TMIGD3: variants seen among roughly 807,000 people sequenced by gnomAD.
The protein encoded by TMIGD3 is transmembrane and immunoglobulin domain containing 3, also known as AD026 protein (AD026).
Under a neutral mutation model 28.1 loss-of-function variants are expected in TMIGD3, and 21 were observed. That is an observed-to-expected ratio of 0.75 (90% CI 0.53 to 1.08). TMIGD3 has a LOEUF of 1.08. Ranked by LOEUF, TMIGD3 falls within the 50% of genes least tolerant of loss-of-function variation. The pLI, the probability that TMIGD3 is intolerant of heterozygous loss-of-function variation, is 0.00. For synonymous variants in TMIGD3, 151 were observed against 162.1 expected, an observed-to-expected ratio of 0.93 and a Z score of 0.52; for missense variants, 416 against 435.6, an observed-to-expected ratio of 0.96 and a Z score of 0.40.
intron 5 of TMIGD3, 67 bp downstream of exon 5, chr1:111,485,673 C>A (rs1654329629): frequency 6.3e-6 from 8 of 1,273,684 alleles, no homozygotes; most frequent in Non-Finnish European, 8.9e-6. Context: ...CATTTGAAAT[C>A]TGCTCCTTGA....
chr1:111,528,265 C>A (rs1021186606), intron 1 of TMIGD3, among the ~76,000 whole-genome samples: 18 of 152,156 alleles, frequency 1.2e-4, no homozygotes, highest in African/African-American at 4.1e-4. Flanking sequence ...AAAATACTAT[C>A]TTTCTTACAA....
chr1:111,488,828 G>A lies in TMIGD3; in HGVS notation c.654C>T (p.Leu218=). ...HVALRDTGNQ[L]IVTMSCLTKE... ...TGGTCAGGCAGGACATAGTGACAAT[G>A]AGCTGGTTCCCTGTGTCCCTCAGGG... The change falls in exon 3 of 6, where the codon CTC becomes CTT. Residue 218 remains leucine, a synonymous_variant. Coordinates refer to ENST00000369716, the MANE Select transcript of TMIGD3 (RefSeq NM_020683.7). The A allele has an allele frequency of 1.9e-6, 3 of 1,614,248 alleles. No individual in the cohort carries two copies. The highest frequency in any genetic ancestry group is 2.5e-6 in the Non-Finnish European group (3 of 1,180,046).
chr1:111,508,227 A>G (rs935591243), upstream of TMIGD3, among the ~76,000 whole-genome samples: 11 of 152,260 alleles, frequency 7.2e-5, no homozygotes, highest in Admixed American at 6.5e-4. Flanking sequence ...GGAGGTCTCC[A>G]GGCCCTGGGG....
At position 111,539,072 on chromosome 1, in the gene TMIGD3, A is replaced by AT. The variant is rs1246566751; in HGVS notation, c.107+24773dup. Among the ~76,000 whole-genome samples the AT allele has an allele frequency of 6.6e-5, 10 of 152,006 alleles. No homozygotes were observed. The South Asian group carries it at 1.3e-3, about 19-fold the overall frequency. ...CCTTGCCTTGGAGACACCTAGGTTT[A>AT]TTTTTTTTAACTTCTTTAAAAAATA... On this transcript the variant is annotated intron_variant, in intron 1 of 5. Transcript: ENST00000369717.
At chr1:111,539,260 C>T (rs1228822734) in intron 1 of TMIGD3, among the ~76,000 whole-genome samples, 1 of 152,158 alleles carries the variant, frequency 6.6e-6, no homozygotes, top group Non-Finnish European at 1.5e-5. Flanking sequence ...CTTCTCTCCC[C>T]TCTCTAGTAG....
rs187818992 is a variant in TMIGD3, at chr1:111,561,969, C to G, written c.107+1877G>C. On this transcript the variant is annotated intron_variant, in intron 1 of 5. Transcript: ENST00000369717. ...CCTCCCTACTGACACCAGGTCATCC[C>G]TAGTTTAAATTTCTGCTTACGATAG... Among the ~76,000 whole-genome samples the G allele has an allele frequency of 7.5e-3, 1,146 of 151,936 alleles. 12 individuals are homozygous for G. Among genetic ancestry groups the G allele is most frequent in the African/African-American group, 0.026 (1,069 of 41,240 alleles).
chr1:111,563,437 A>T (rs973382687), intron 1 of TMIGD3, among the ~76,000 whole-genome samples: 5 of 152,216 alleles, frequency 3.3e-5, no homozygotes, highest in Non-Finnish European at 5.9e-5. Flanking sequence ...AAGTTCTCCA[A>T]GGCCAGATTG....
At chr1:111,532,338 A>G (rs936117857) in intron 1 of TMIGD3, among the ~76,000 whole-genome samples, 42 of 152,310 alleles carry the variant, frequency 2.8e-4, no homozygotes, top group African/African-American at 9.9e-4. Context: ...GAACCTCTTT[A>G]TATTTATCAC....
At chr1:111,510,296 C>T (rs184762364) in intron 1 of TMIGD3, among the ~76,000 whole-genome samples, 178 of 152,144 alleles carry the variant, frequency 1.2e-3, no homozygotes, top group African/African-American at 3.9e-3. Context: ...GAAATGTCTT[C>T]CCAGATGACC....
intron 1 of TMIGD3, among the ~76,000 whole-genome samples, chr1:111,502,173 TAAATATATAG>T: frequency 1.2e-5 from 1 of 80,708 alleles, no homozygotes; most frequent in African/African-American, 5.9e-5. Context: ...TTTATTATAA[TAAATATATAG>T]GATATATATA....
chr1:111,500,186 G>A (rs761522674), intron 1 of TMIGD3: 1 of 1,614,164 alleles, frequency 6.2e-7, no homozygotes, highest in Non-Finnish European at 8.5e-7. Flanking sequence ...AGCCATGACA[G>A]AGCAAACAAG....
intron 2 of TMIGD3, chr1:111,489,812 T>C: frequency 4.3e-6 from 4 of 938,764 alleles, no homozygotes; most frequent in Non-Finnish European, 5.1e-6. Flanking sequence ...TCATGTTCCC[T>C]CCGTACAAGA....
chr1:111,486,799 T>C, intron 3 of TMIGD3, 147 bp from the exon 4 acceptor site: 1 of 720,264 alleles, frequency 1.4e-6, no homozygotes, highest in Non-Finnish European at 2.5e-6. Flanking sequence ...CCACGCGCAG[T>C]TGTATAAATG....
chr1:111,518,276 C>A (rs2101000889), intron 1 of TMIGD3, among the ~76,000 whole-genome samples: 1 of 152,272 alleles, frequency 6.6e-6, no homozygotes, highest in Middle Eastern at 3.4e-3. Flanking sequence ...TGGTAGTTAC[C>A]ATTCATTCAG....
chr1:111,503,614 A>G lies in TMIGD3; in HGVS notation c.-260T>C. 7.6e-7 allele frequency: 1 copy of G among 1,308,390 alleles called. No homozygotes were observed. The highest frequency in any genetic ancestry group is 9.8e-7 in the Non-Finnish European group (1 of 1,021,020). The allele number at this position is 1,308,390 out of a possible 1,614,324, so 81.0% of individuals were successfully genotyped here. A position where few individuals can be genotyped will look rare whatever the true frequency, so the allele number is the denominator to read the frequency against. ...CATCCTCAAGTTTCCAGAATGCTGT[A>G]GGACAGCTCTATATGGACTGAATCT... On this transcript the variant is annotated 5_prime_UTR_variant, in exon 1 of 6. Coordinates refer to ENST00000369716, the MANE Select transcript of TMIGD3 (RefSeq NM_020683.7).
rs1655336216 is a variant in TMIGD3, at chr1:111,503,117, A to C, written c.238T>G (p.Phe80Val). The stretch of plus-strand genomic sequence containing the variant: ...CAAGTCATAAAAAGGCAGCTGTAGA[A>C]GTGGATTGTGATGCCCAGGCTGACA... ...IVVSLGITIH[F>V]YSCLFMTCLL... The change falls in exon 1 of 6, where the codon TTC becomes GTC. Residue 80 changes from phenylalanine to valine, a missense_variant. Transcript: ENST00000369716. 1 of 1,614,094 alleles carries C rather than the reference A, an allele frequency of 6.2e-7. No homozygotes were observed. Among genetic ancestry groups the C allele is most frequent in the Admixed American group, 1.7e-5 (1 of 60,008 alleles).
intron 1 of TMIGD3, chr1:111,500,258 CT>C: frequency 6.2e-7 from 1 of 1,614,178 alleles, no homozygotes; most frequent in Non-Finnish European, 8.5e-7. Flanking sequence ...GCACCTGTCT[CT>C]TTGGAGTTAG....
intron 1 of TMIGD3, among the ~76,000 whole-genome samples, chr1:111,502,432 T>C (rs1022838807): frequency 1.6e-4 from 21 of 130,386 alleles, no homozygotes; most frequent in African/African-American, 3.8e-4. Flanking sequence ...ATAGGATACA[T>C]ATATTTATTA....
chr1:111,500,088 G>T (rs775118942), intron 1 of TMIGD3: 87 of 1,614,054 alleles, frequency 5.4e-5, no homozygotes, highest in Non-Finnish European at 7.1e-5. Context: ...TCATGGAGTT[G>T]GCATGGGACA....
Sources: allele counts gnomAD v4.1 joint callset (sites outside exome capture counted in the v4.1 genomes callset), GRCh38; gene constraint gnomAD v4.1.1; transcripts MANE v1.5; gene names NCBI Gene and HGNC (gene_info 2026-07-23, HGNC 2026-07-21).